Variants in NTRK2 observed in about 807,000 individuals in gnomAD.
The protein encoded by NTRK2 is neurotrophic receptor tyrosine kinase 2.
A neutral mutation model predicts 94.5 loss-of-function variants in NTRK2; 13 were observed. That is an observed-to-expected ratio of 0.14 (90% CI 0.09 to 0.22). The LOEUF is 0.22. Ranked by LOEUF, NTRK2 falls within the 10% of genes least tolerant of loss-of-function variation. The pLI is 1.00. For missense variants in NTRK2, 639 were observed against 1,071.2 expected (o/e 0.60, Z 5.63); for synonymous variants, 372 against 407.4 (o/e 0.91, Z 1.05).
chr9:84,877,374 A>T lies in NTRK2; in HGVS notation c.1633+9943A>T. The T allele has an allele frequency of 3.8e-6, 4 of 1,066,162 alleles. No individual in the cohort carries two copies. In the South Asian group the frequency reaches 1.4e-4, roughly 36 times the overall value. The allele number at this position is 1,066,162 out of a possible 1,614,324, so 66.0% of individuals were successfully genotyped here. A position where few individuals can be genotyped will look rare whatever the true frequency, so the allele number is the denominator to read the frequency against. On this transcript the variant is annotated intron_variant, in intron 14 of 18. Transcript: ENST00000277120. The stretch of plus-strand genomic sequence containing the variant: ...GGTTGCTGGGTTGGGGGATTAGTTC[A>T]TATGGTCCCCATGCCATCTATTTAC...
chr9:84,834,221 A>T (rs1360447386), intron 12 of NTRK2, among the ~76,000 whole-genome samples: 1 of 152,340 alleles, frequency 6.6e-6, no homozygotes, highest in Admixed American at 6.5e-5. Context: ...ATAAACAAGA[A>T]ATGATTTTTA....
Position 84,673,918 on chromosome 9 carries a change from G to A in NTRK2, c.212+2958G>A, listed in dbSNP as rs552233542. ...GTTATTTGGAAATGGTTATACCACAGCAGTGTTAAAATGAATTTAAACGCA... is the reference window on the plus strand; with the variant it reads ...GTTATTTGGAAATGGTTATACCACAACAGTGTTAAAATGAATTTAAACGCA... On this transcript the variant is annotated intron_variant, in intron 2 of 18. Transcript: ENST00000277120. Among the ~76,000 whole-genome samples, 13 of 152,328 alleles carry A rather than the reference G, an allele frequency of 8.5e-5. No individual in the cohort carries two copies. The South Asian group carries it at 2.5e-3, about 29-fold the overall frequency.
intron 12 of NTRK2, among the ~76,000 whole-genome samples, chr9:84,827,746 G>T (rs2073279673): frequency 6.6e-6 from 1 of 151,008 alleles, no homozygotes; most frequent in Non-Finnish European, 1.5e-5. Context: ...AATGCTTACT[G>T]CTTGTTGTCT....
At chr9:84,901,408 A>G (rs1220198595) in intron 14 of NTRK2, among the ~76,000 whole-genome samples, 1 of 151,396 alleles carries the variant, frequency 6.6e-6, no homozygotes, top group African/African-American at 2.4e-5. Context: ...GTGTGTGTGT[A>G]TTTTTAGTAG....
chr9:84,760,920 C>T (rs1226267879), intron 12 of NTRK2, among the ~76,000 whole-genome samples: 1 of 152,192 alleles, frequency 6.6e-6, no homozygotes, highest in Non-Finnish European at 1.5e-5. Flanking sequence ...TATGTACAGC[C>T]TGCTAGAAAG....
chr9:84,744,848 C>T (rs2063927665), intron 10 of NTRK2, 125 bp from the exon 11 acceptor site: 1 of 800,328 alleles, frequency 1.2e-6, no homozygotes, highest in Admixed American at 1.7e-5. Flanking sequence ...CACAGCCAGA[C>T]TGTCGGGGGT....
chr9:84,899,912 G>A (rs1266826486), intron 14 of NTRK2, among the ~76,000 whole-genome samples: 1 of 152,172 alleles, frequency 6.6e-6, no homozygotes, highest in East Asian at 1.9e-4. Flanking sequence ...TTGTCCCTTG[G>A]TCTGTGGAAA....
chr9:84,883,467 A>G (rs1444338146), intron 14 of NTRK2, among the ~76,000 whole-genome samples: 1 of 152,192 alleles, frequency 6.6e-6, no homozygotes, highest in Non-Finnish European at 1.5e-5. Context: ...AGGGTATAGT[A>G]GCACAGGAGT....
intron 14 of NTRK2, among the ~76,000 whole-genome samples, chr9:84,924,052 C>T (rs1166634096): frequency 6.6e-6 from 1 of 151,894 alleles, no homozygotes; most frequent in Non-Finnish European, 1.5e-5. Flanking sequence ...AAAGAGACCT[C>T]AATGGAGGTT....
chr9:84,842,881 T>G (rs755703615), intron 12 of NTRK2, among the ~76,000 whole-genome samples: 2 of 152,230 alleles, frequency 1.3e-5, no homozygotes, highest in African/African-American at 4.8e-5. Context: ...AGTTTATGAA[T>G]GACCAGGAGT....
chr9:84,749,420 G>A (rs1177446611), intron 11 of NTRK2, among the ~76,000 whole-genome samples: 1 of 152,096 alleles, frequency 6.6e-6, no homozygotes, highest in Non-Finnish European at 1.5e-5. Context: ...GGTGTCCTGG[G>A]AGAATTAGCC....
In NTRK2 at chr9:84,959,201, C is replaced by A. The variant is rs192520147; in HGVS notation, c.2172+3684C>A. On this transcript the variant is annotated intron_variant, in intron 17 of 18. Transcript: ENST00000277120. ...CTGCATTGAACTCCAAGGTGAGAAG[C>A]TGCTTTAGCTGATGTGAGCTGTCGT... is the stretch of plus-strand genomic sequence containing the variant. 4.3e-4 allele frequency among the ~76,000 whole-genome samples: 65 copies of A among 152,308 alleles called. 1 individual carries two copies. Among genetic ancestry groups the A allele is most frequent in the Middle Eastern group, 3.4e-3 (1 of 294 alleles).
intron 12 of NTRK2, chr9:84,813,664 A>G (rs985671637): frequency 2.8e-6 from 3 of 1,065,992 alleles, no homozygotes; most frequent in Non-Finnish European, 3.4e-6. Flanking sequence ...TTCTGCACCA[A>G]TGTCTCCCCT....
At chr9:84,914,201 C>T (rs771344455) in intron 14 of NTRK2, among the ~76,000 whole-genome samples, 23 of 152,000 alleles carry the variant, frequency 1.5e-4, no homozygotes, top group Non-Finnish European at 2.6e-4. Context: ...CTTTATATTT[C>T]TTTCCCGGCA....
At chr9:84,848,778 G>C (rs2074603374) in intron 12 of NTRK2, among the ~76,000 whole-genome samples, 1 of 152,082 alleles carries the variant, frequency 6.6e-6, no homozygotes, top group African/African-American at 2.4e-5. Flanking sequence ...CAATAATAAA[G>C]ATTTGCATAA....
intron 2 of NTRK2, among the ~76,000 whole-genome samples, chr9:84,672,596 G>C (rs1265310017): frequency 2.0e-5 from 3 of 152,188 alleles, no homozygotes; most frequent in Admixed American, 1.3e-4. Context: ...TGTTGTGTGT[G>C]TGTGGTGGTG....
intron 14 of NTRK2, among the ~76,000 whole-genome samples, chr9:84,923,547 G>C (rs1439142515): frequency 1.3e-5 from 2 of 152,130 alleles, no homozygotes; most frequent in Non-Finnish European, 1.5e-5. Context: ...AAAAACAAAA[G>C]ATTTCTTCCA....
chr9:84,680,271 T>G (rs2059313957), intron 2 of NTRK2, among the ~76,000 whole-genome samples: 1 of 152,234 alleles, frequency 6.6e-6, no homozygotes, highest in Non-Finnish European at 1.5e-5. Context: ...AAGAGACAGA[T>G]GCATACACAT....
At chr9:84,797,655 A>ATT (rs1564297650) in intron 12 of NTRK2, among the ~76,000 whole-genome samples, 1 of 40,208 alleles carries the variant, frequency 2.5e-5, no homozygotes, top group Non-Finnish European at 3.8e-5. Flanking sequence ...ATAATAATAT[A>ATT]TATATTATAT....
Sources: gnomAD v4.1 joint callset for allele counts (sites outside exome capture counted in the v4.1 genomes callset) on GRCh38, gnomAD v4.1.1 for gene constraint, MANE v1.5 for transcripts, NCBI Gene and HGNC (gene_info 2026-07-23, HGNC 2026-07-21) for gene names.